The following GRID1 variants were observed in gnomAD, a reference collection of about 807,000 sequenced individuals.
The protein encoded by GRID1 is glutamate receptor ionotropic, delta-1.
Under a neutral mutation model 98.0 loss-of-function variants are expected in GRID1, and 28 were observed. The ratio of observed to expected loss-of-function variants is 0.29; its 90% CI spans 0.21 to 0.39. The LOEUF is 0.39. Among genes scored for constraint, GRID1 ranks in the 10% least tolerant of loss-of-function variants. The pLI, the probability that GRID1 is intolerant of heterozygous loss-of-function variation, is 1.00. For missense variants in GRID1, 1,111 were observed against 1,340.5 expected, an observed-to-expected ratio of 0.83 and a Z score of 2.67; for synonymous variants, 553 against 538.5, an observed-to-expected ratio of 1.03 and a Z score of -0.37.
At chr10:85,857,566 G>A (rs900196771) in intron 6 of GRID1, among the ~76,000 whole-genome samples, 2 of 152,144 alleles carry the variant, frequency 1.3e-5, no homozygotes, top group African/African-American at 4.8e-5. Flanking sequence ...AGGGAAGGCG[G>A]TGAGGGCGAG....
chr10:85,875,493 A>C (rs542209271), intron 5 of GRID1, among the ~76,000 whole-genome samples: 1 of 152,146 alleles, frequency 6.6e-6, no homozygotes, highest in East Asian at 1.9e-4. Context: ...CATTATGATT[A>C]TTTATATATT....
At chr10:86,090,002 C>G (rs931399213) in intron 4 of GRID1, among the ~76,000 whole-genome samples, 2 of 152,160 alleles carry the variant, frequency 1.3e-5, no homozygotes, top group African/African-American at 4.8e-5. Flanking sequence ...CTGCCTTGGC[C>G]TCCCAAAGTG....
intron 4 of GRID1, among the ~76,000 whole-genome samples, chr10:86,094,066 A>G (rs1235666537): frequency 2.0e-5 from 3 of 152,240 alleles, no homozygotes; most frequent in Non-Finnish European, 4.4e-5. Context: ...AATGTGATGG[A>G]CAACATAAAC....
Position 85,602,657 on chromosome 10 carries a change from G to A in GRID1, c.2646C>T (p.Ser882=). 3.1e-6 allele frequency: 5 copies of A among 1,613,786 alleles called. No individual in the cohort carries two copies. Among genetic ancestry groups the A allele is most frequent in the Non-Finnish European group, 4.2e-6 (5 of 1,179,838 alleles). The part of the protein sequence containing the change: ...NLEQVHRRMN[S]LMDEDIAHKQ... ...TGTGAGCAATGTCTTCATCCATGAG[G>A]CTGTTCATGCGCCGGTGGACCTGCT... Residue 882 remains serine (S), a synonymous_variant, in exon 16 of 16, where the codon AGC becomes AGT. Coordinates refer to ENST00000327946, the MANE Select transcript of GRID1 (RefSeq NM_017551.3).
chr10:86,261,606 A>G (rs560556663), intron 2 of GRID1, among the ~76,000 whole-genome samples: 30 of 152,208 alleles, frequency 2.0e-4, no homozygotes, highest in Non-Finnish European at 4.0e-4. Context: ...TGGTTAGGTC[A>G]GTGAGAAACT....
chr10:85,889,609 T>C (rs1275168300), intron 5 of GRID1, among the ~76,000 whole-genome samples: 2 of 152,232 alleles, frequency 1.3e-5, no homozygotes, highest in African/African-American at 4.8e-5. Flanking sequence ...GTTGTTTCCA[T>C]AGCTTGGCTA....
chr10:85,997,891 CACTA>C (rs1226098244), intron 4 of GRID1, among the ~76,000 whole-genome samples: 4 of 151,948 alleles, frequency 2.6e-5, no homozygotes, highest in Non-Finnish European at 5.9e-5. Context: ...ATTGTGGAAA[CACTA>C]ATCAAATAAA....
chr10:85,723,313 C>T (rs1386692434), intron 11 of GRID1, among the ~76,000 whole-genome samples, 172 bp from the exon 12 acceptor site: 1 of 152,134 alleles, frequency 6.6e-6, no homozygotes, highest in Non-Finnish European at 1.5e-5. Context: ...GGGATAGGAT[C>T]CTAAAACCAT....
At chr10:86,285,491 C>T (rs946470486) in intron 2 of GRID1, among the ~76,000 whole-genome samples, 10 of 152,320 alleles carry the variant, frequency 6.6e-5, no homozygotes, top group African/African-American at 2.4e-4. Flanking sequence ...TGTTTAAATG[C>T]CCCAGCCCAG....
chr10:85,730,826 A>G (rs1841813778), intron 8 of GRID1, among the ~76,000 whole-genome samples: 1 of 152,110 alleles, frequency 6.6e-6, no homozygotes. Flanking sequence ...GGGGCCTGAG[A>G]TTATTCATGT....
At chr10:86,344,325 T>C (rs1265044722) in intron 2 of GRID1, among the ~76,000 whole-genome samples, 3 of 152,168 alleles carry the variant, frequency 2.0e-5, no homozygotes, top group Admixed American at 6.5e-5. Flanking sequence ...GGCTCAGATA[T>C]GTAGAGGAAC....
In GRID1 at chr10:86,327,760, G is replaced by C. The variant is rs779313275; in HGVS notation, c.235+36181C>G. Among the ~76,000 whole-genome samples, 76 of 152,314 alleles carry C rather than the reference G, an allele frequency of 5.0e-4. 1 individual carries two copies. The highest frequency in any genetic ancestry group is 8.2e-4 in the Non-Finnish European group (56 of 68,026). On this transcript the variant is annotated intron_variant, in intron 2 of 15. Coordinates refer to ENST00000327946, the MANE Select transcript of GRID1 (RefSeq NM_017551.3). Reference sequence around the variant, plus strand: ...CATTGGACTGACAAAAATTAAGACTGATAATATCAAGTGTTGGCAAGAATG... The same window carrying C: ...CATTGGACTGACAAAAATTAAGACTCATAATATCAAGTGTTGGCAAGAATG...
intron 4 of GRID1, among the ~76,000 whole-genome samples, chr10:86,077,120 C>A (rs1306960769): frequency 7.3e-6 from 1 of 136,450 alleles, no homozygotes; most frequent in East Asian, 2.0e-4. Flanking sequence ...AAACGAGGAG[C>A]CTTCCGCGGG....
chr10:85,670,351 A>G (rs1841070464), intron 12 of GRID1, among the ~76,000 whole-genome samples: 1 of 152,228 alleles, frequency 6.6e-6, no homozygotes, highest in African/African-American at 2.4e-5. Context: ...CAGAGCAGTG[A>G]GGATTCTGCC....
intron 8 of GRID1, among the ~76,000 whole-genome samples, chr10:85,743,740 G>A (rs754081499): frequency 6.6e-6 from 1 of 152,144 alleles, no homozygotes; most frequent in Non-Finnish European, 1.5e-5. Context: ...CTAATATCTA[G>A]TGGCAGAAAA....
chr10:86,226,016 A>C (rs1846337048), intron 2 of GRID1, among the ~76,000 whole-genome samples: 2 of 152,084 alleles, frequency 1.3e-5, no homozygotes, highest in South Asian at 4.1e-4. Flanking sequence ...GATTCAATTA[A>C]TAGTCACCTA....
chr10:85,715,162 T>C (rs976583052), intron 12 of GRID1, among the ~76,000 whole-genome samples: 16 of 152,166 alleles, frequency 1.1e-4, no homozygotes, highest in Non-Finnish European at 2.4e-4. Context: ...GTAAATGATG[T>C]TGGAGAAACT....
chr10:86,096,528 C>T (rs752955159), intron 4 of GRID1, among the ~76,000 whole-genome samples: 4 of 152,196 alleles, frequency 2.6e-5, no homozygotes, highest in Non-Finnish European at 5.9e-5. Context: ...AGTCCAGATA[C>T]GGATTTGCTA....
intron 4 of GRID1, among the ~76,000 whole-genome samples, chr10:85,955,473 C>A (rs978272410): frequency 6.6e-6 from 1 of 152,086 alleles, no homozygotes; most frequent in African/African-American, 2.4e-5. Flanking sequence ...TCTGCCCGGT[C>A]CCCTACCTAG....
Sources: allele counts gnomAD v4.1 joint callset (sites outside exome capture counted in the v4.1 genomes callset), GRCh38; gene constraint gnomAD v4.1.1; transcripts MANE v1.5; gene names NCBI Gene and HGNC (gene_info 2026-07-23, HGNC 2026-07-21).